Variants in PANK2 observed in about 807,000 individuals in gnomAD.
The protein encoded by PANK2 is pantothenate kinase 2, mitochondrial.
In PANK2, 36 loss-of-function variants were observed where a neutral mutation model predicts 43.1. The observed-to-expected ratio is 0.84, with a 90% CI of 0.64 to 1.10. The LOEUF is 1.10. PANK2 is among the 50% of genes least tolerant of loss of function. The pLI, the probability that PANK2 is intolerant of heterozygous loss-of-function variation, is 0.00. For missense variants in PANK2, 576 were observed against 593.3 expected (o/e 0.97, Z 0.30); for synonymous variants, 281 against 238.2 (o/e 1.18, Z -1.66).
At chr20:3,897,862 G>A (rs1166757325) in intron 1 of PANK2, among the ~76,000 whole-genome samples, 3 of 151,754 alleles carry the variant, frequency 2.0e-5, no homozygotes, top group Non-Finnish European at 4.4e-5. Context: ...AAAACTAGCT[G>A]GGCATGGTGG....
chr20:3,910,081 C>CT (rs1413173566), intron 2 of PANK2, among the ~76,000 whole-genome samples: 1 of 152,206 alleles, frequency 6.6e-6, no homozygotes, highest in Non-Finnish European at 1.5e-5. Flanking sequence ...TAACTGGATA[C>CT]TTTCAGCCTT....
intron 3 of PANK2, among the ~76,000 whole-genome samples, chr20:3,911,081 A>T (rs1568573608): frequency 6.6e-6 from 1 of 152,228 alleles, no homozygotes; most frequent in Non-Finnish European, 1.5e-5. Flanking sequence ...TTGCCCTCAG[A>T]TAGTTTATGG....
intron 5 of PANK2, 118 bp from the exon 6 acceptor site, chr20:3,918,553 T>C (rs1349313562): frequency 1.5e-5 from 22 of 1,422,734 alleles, no homozygotes; most frequent in Non-Finnish European, 2.2e-5. Flanking sequence ...CTGGACTAAA[T>C]TTGATCAGCA....
Position 3,927,754 on chromosome 20 carries a change from T to A in PANK2, c.*4460T>A, listed in dbSNP as rs917774152. On this transcript the variant is annotated 3_prime_UTR_variant, in exon 7 of 7. Coordinates refer to ENST00000610179, the MANE Select transcript of PANK2 (RefSeq NM_001386393.1). The stretch of plus-strand genomic sequence containing the variant: ...GAAGGGCAGATGGAGAGGAACGGTG[T>A]GCAGTGGGCGTGAGATGCAGATCCA... 2 of 152,238 alleles carry A rather than the reference T, an allele frequency of 1.3e-5. No homozygotes were observed. The highest frequency in any genetic ancestry group is 2.9e-5 in the Non-Finnish European group (2 of 68,088). 9.4% of individuals were successfully genotyped at this position (152,238 alleles called of 1,614,324 possible). A position where few individuals can be genotyped will look rare whatever the true frequency, so the allele number is the denominator to read the frequency against.
intron 6 of PANK2, 75 bp downstream of exon 6, chr20:3,918,871 T>G (rs903730593): frequency 1.2e-6 from 2 of 1,608,954 alleles, no homozygotes; most frequent in African/African-American, 2.7e-5. Flanking sequence ...GAACTTGAGG[T>G]AGAGGGTGGA....
chr20:3,894,401 T>G (rs575776810), intron 1 of PANK2, among the ~76,000 whole-genome samples: 1 of 150,850 alleles, frequency 6.6e-6, no homozygotes, highest in East Asian at 2.0e-4. Flanking sequence ...CTACCACGCC[T>G]GGCTAATTTT....
At chr20:3,905,535 G>C (rs1171609666) in intron 1 of PANK2, among the ~76,000 whole-genome samples, 1 of 150,618 alleles carries the variant, frequency 6.6e-6, no homozygotes, top group Non-Finnish European at 1.5e-5. Context: ...TTTTAGTAGA[G>C]ATGGGGTTTC....
chr20:3,906,204 T>G (rs1234456779), intron 1 of PANK2, among the ~76,000 whole-genome samples: 3 of 151,996 alleles, frequency 2.0e-5, no homozygotes, highest in African/African-American at 2.4e-5. Flanking sequence ...CTGGGTGGAC[T>G]GCTTGAGCCC....
intron 4 of PANK2, among the ~76,000 whole-genome samples, chr20:3,913,277 AT>A: frequency 6.6e-6 from 1 of 152,146 alleles, no homozygotes; most frequent in South Asian, 2.1e-4. Context: ...ACTTCTTCAT[AT>A]AGCATATGTT....
At chr20:3,906,459 A>G (rs1396300963) in intron 1 of PANK2, among the ~76,000 whole-genome samples, 3 of 152,096 alleles carry the variant, frequency 2.0e-5, no homozygotes, top group Non-Finnish European at 4.4e-5. Context: ...GTCAAAATGC[A>G]TTTAATATAC....
At chr20:3,891,686 T>C (rs1283555786) in intron 1 of PANK2, among the ~76,000 whole-genome samples, 1 of 152,192 alleles carries the variant, frequency 6.6e-6, no homozygotes, top group African/African-American at 2.4e-5. Context: ...ATATTGAGCA[T>C]GAGAATGACC....
At position 3,910,603 on chromosome 20, in the gene PANK2, G is replaced by A. The variant is rs770921226; in HGVS notation, c.678G>A (p.Leu226=). The A allele has an allele frequency of 1.9e-6, 3 of 1,613,866 alleles. No individual in the cohort carries two copies. Among genetic ancestry groups the A allele is most frequent in the Non-Finnish European group, 1.7e-6 (2 of 1,179,940 alleles). The change falls in exon 3 of 7, where the codon CTG becomes CTA. Residue 226 remains leucine (L), a synonymous_variant. Transcript: ENST00000610179. ...TAGGTGATCTTCAGCTTTGCAAACT[G>A]GATGAACTAGATTGCTTGATCAAAG... is the stretch of plus-strand genomic sequence containing the variant.
intron 3 of PANK2, among the ~76,000 whole-genome samples, chr20:3,911,198 T>C (rs4815627): frequency 0.5 from 75,425 of 152,052 alleles, 19,565 homozygotes; most frequent in East Asian, 0.66. Flanking sequence ...TCCACACACA[T>C]GTGTGTGTAG....
At chr20:3,902,097 C>G (rs372235810) in intron 1 of PANK2, among the ~76,000 whole-genome samples, 8 of 151,890 alleles carry the variant, frequency 5.3e-5, no homozygotes, top group African/African-American at 1.9e-4. Flanking sequence ...CTTCCCTTTC[C>G]CCAAGGAAAT....
rs11471571 is a variant in PANK2, at chr20:3,926,940, C to CA, written c.*3667dup. ...AGCCTGGGTGACAGCAAGACTGTCTCAAAAAAAAAAAAAAAAAAAAATCCG... is the reference window on the plus strand; with the variant it reads ...AGCCTGGGTGACAGCAAGACTGTCTCAAAAAAAAAAAAAAAAAAAAAATCCG... On this transcript the variant is annotated 3_prime_UTR_variant, in exon 7 of 7. Transcript: ENST00000610179. The CA allele has an allele frequency of 0.6, 64,952 of 108,194 alleles. 19,084 individuals carry two copies. The highest frequency in any genetic ancestry group is 0.68 in the South Asian group (2,135 of 3,124). 6.7% of individuals were successfully genotyped at this position (108,194 alleles called of 1,614,324 possible).
At chr20:3,908,770 GC>G in intron 2 of PANK2, 1 of 203,598 alleles carries the variant, frequency 4.9e-6, no homozygotes. Context: ...TGACTGCAGA[GC>G]CCTCCTCTCC....
At chr20:3,896,658 A>G (rs2090214364) in intron 1 of PANK2, among the ~76,000 whole-genome samples, 3 of 152,164 alleles carry the variant, frequency 2.0e-5, no homozygotes, top group Middle Eastern at 3.4e-3. Flanking sequence ...GATTTAATCA[A>G]TTATACCTAC....
chr20:3,924,830 C>G lies in PANK2; in HGVS notation c.*1536C>G, dbSNP rs71647867. On this transcript the variant is annotated 3_prime_UTR_variant, in exon 7 of 7. Transcript: ENST00000610179. ...ATCCTCCTGCTTGTACCACAGGGTGCTGCTCCCTGGGCCAACTCCTGTGAA... is the reference window on the plus strand; with the variant it reads ...ATCCTCCTGCTTGTACCACAGGGTGGTGCTCCCTGGGCCAACTCCTGTGAA... The G allele has an allele frequency of 6.9e-3, 1,049 of 152,656 alleles. 17 individuals carry two copies. Among genetic ancestry groups the G allele is most frequent in the African/African-American group, 0.024 (1,006 of 41,574 alleles). The allele number at this position is 152,656 out of a possible 1,614,324, so 9.5% of individuals were successfully genotyped here.
At chr20:3,905,831 T>C (rs2090377883) in intron 1 of PANK2, among the ~76,000 whole-genome samples, 1 of 149,754 alleles carries the variant, frequency 6.7e-6, no homozygotes, top group African/African-American at 2.5e-5. Flanking sequence ...TTCTCCTGCC[T>C]CAGCCTCCTG....
Sources: gnomAD v4.1 joint callset for allele counts (sites outside exome capture counted in the v4.1 genomes callset) on GRCh38, gnomAD v4.1.1 for gene constraint, MANE v1.5 for transcripts, NCBI Gene and HGNC (gene_info 2026-07-23, HGNC 2026-07-21) for gene names.